Variants in SLC35F3 observed in about 807,000 individuals in gnomAD.
SLC35F3 encodes the protein solute carrier family 35 member F3.
A neutral mutation model predicts 49.9 loss-of-function variants in SLC35F3; 25 were observed. That is an observed-to-expected ratio of 0.50 (90% confidence interval 0.37 to 0.70). The LOEUF (loss-of-function observed/expected upper bound fraction) is 0.70, where lower values mean the gene tolerates loss of function less well. SLC35F3 is among the 30% of genes least tolerant of loss of function. The pLI, the probability that SLC35F3 is intolerant of heterozygous loss-of-function variation, is 0.00. For synonymous variants in SLC35F3, 275 were observed against 265.4 expected (o/e 1.04, Z -0.35); for missense variants, 525 against 639.8 (o/e 0.82, Z 1.94).
At chr1:234,059,508 T>G (rs1015978947) in intron 2 of SLC35F3, among the ~76,000 whole-genome samples, 12 of 152,164 alleles carry the variant, frequency 7.9e-5, no homozygotes, top group Non-Finnish European at 1.6e-4. Context: ...TGTTATTGAT[T>G]CCTAAATTCA....
chr1:233,983,908 T>C (rs374928084), intron 2 of SLC35F3, among the ~76,000 whole-genome samples: 68 of 152,316 alleles, frequency 4.5e-4, no homozygotes, highest in African/African-American at 1.2e-3. Context: ...TAAGACCACA[T>C]GGTATGACAC....
intron 3 of SLC35F3, among the ~76,000 whole-genome samples, chr1:234,304,220 G>A (rs1192842266): frequency 6.6e-6 from 1 of 151,798 alleles, no homozygotes; most frequent in East Asian, 1.9e-4. Context: ...GGAGTGCAGT[G>A]GCATGATCTT....
At chr1:233,941,954 G>GTTTTTTTTTTTT (rs141578626) in intron 2 of SLC35F3, among the ~76,000 whole-genome samples, 3 of 120,184 alleles carry the variant, frequency 2.5e-5, no homozygotes, top group African/African-American at 1.0e-4. Flanking sequence ...GTTGTTTTTT[G>GTTTTTTTTTTTT]TTTTTTTGTT....
At chr1:234,206,025 T>A (rs969370810) in intron 2 of SLC35F3, among the ~76,000 whole-genome samples, 4 of 152,032 alleles carry the variant, frequency 2.6e-5, no homozygotes, top group Admixed American at 2.0e-4. Context: ...GAGGGAGGAC[T>A]TGCTGGTGAG....
At chr1:234,222,596 G>A (rs1667224931) in intron 2 of SLC35F3, among the ~76,000 whole-genome samples, 1 of 152,136 alleles carries the variant, frequency 6.6e-6, no homozygotes, top group East Asian at 1.9e-4. Context: ...CTGGTGGGCT[G>A]GCCACTTCAC....
At chr1:234,287,061 C>A (rs966790328) in intron 3 of SLC35F3, among the ~76,000 whole-genome samples, 1 of 151,982 alleles carries the variant, frequency 6.6e-6, no homozygotes, top group South Asian at 2.1e-4. Flanking sequence ...TAGCTTGGCA[C>A]GGTGGTGTGT....
chr1:234,268,612 C>T (rs61823423), intron 3 of SLC35F3: 1 of 152,316 alleles, frequency 6.6e-6, no homozygotes, highest in African/African-American at 2.4e-5. Flanking sequence ...AATAACAAAA[C>T]ACCCAAAAGC....
chr1:234,034,120 A>G (rs1664105751), intron 2 of SLC35F3, among the ~76,000 whole-genome samples: 1 of 152,148 alleles, frequency 6.6e-6, no homozygotes, highest in Admixed American at 6.5e-5. Flanking sequence ...TGCAGCTGTA[A>G]TAAAAGGGGT....
intron 2 of SLC35F3, among the ~76,000 whole-genome samples, chr1:233,992,931 G>A (rs1663388131): frequency 6.6e-6 from 1 of 152,038 alleles, no homozygotes; most frequent in Non-Finnish European, 1.5e-5. Flanking sequence ...GGCCCCTGTG[G>A]CAGCTCCCAA....
chr1:233,974,963 A>G (rs1200089904), intron 2 of SLC35F3, among the ~76,000 whole-genome samples: 1 of 152,242 alleles, frequency 6.6e-6, no homozygotes, highest in African/African-American at 2.4e-5. Context: ...AAAGGCTTAG[A>G]GAGAAGACAT....
At chr1:234,275,023 T>C (rs1668177385) in intron 3 of SLC35F3, among the ~76,000 whole-genome samples, 3 of 152,206 alleles carry the variant, frequency 2.0e-5, no homozygotes, top group African/African-American at 7.2e-5. Flanking sequence ...CCTTGTGACA[T>C]ATATTGCCAC....
At chr1:234,289,224 C>T (rs139405555) in intron 3 of SLC35F3, among the ~76,000 whole-genome samples, 369 of 152,168 alleles carry the variant, frequency 2.4e-3, no homozygotes, top group Admixed American at 4.0e-3. Context: ...ACTGTGTAGA[C>T]CACATTGGCT....
chr1:234,049,339 GCTCTCTCTCTATCTCCTCTCTCTTCT>G (rs1199066308), intron 2 of SLC35F3, among the ~76,000 whole-genome samples: 1 of 151,838 alleles, frequency 6.6e-6, no homozygotes, highest in Non-Finnish European at 1.5e-5. Flanking sequence ...GCTCACTCTT[GCTCTCTCTCTATCTCCTCTCTCTTCT>G]CTCTCTCTCC....
At chr1:233,997,744 T>C (rs1485460327) in intron 2 of SLC35F3, among the ~76,000 whole-genome samples, 1 of 152,094 alleles carries the variant, frequency 6.6e-6, no homozygotes, top group Non-Finnish European at 1.5e-5. Flanking sequence ...AACATGTTCA[T>C]ATTTTCTTTC....
intron 2 of SLC35F3, among the ~76,000 whole-genome samples, chr1:234,041,325 C>T (rs1032199403): frequency 7.9e-5 from 12 of 152,272 alleles, no homozygotes; most frequent in African/African-American, 2.9e-4. Flanking sequence ...TCTTGTACTA[C>T]GTCCACCTTC....
intron 3 of SLC35F3, among the ~76,000 whole-genome samples, chr1:234,275,968 C>T (rs531659744): frequency 5.9e-4 from 89 of 152,002 alleles, no homozygotes; most frequent in Admixed American, 1.1e-3. Flanking sequence ...TCATCCTTTG[C>T]GCAACACAAC....
At chr1:233,942,057 T>G in intron 2 of SLC35F3, among the ~76,000 whole-genome samples, 1 of 151,448 alleles carries the variant, frequency 6.6e-6, no homozygotes, top group East Asian at 2.0e-4. Flanking sequence ...ACCTCCCAGG[T>G]TGAAGCGATT....
chr1:234,178,028 A>C (rs1666501932), intron 2 of SLC35F3, among the ~76,000 whole-genome samples: 1 of 152,194 alleles, frequency 6.6e-6, no homozygotes, highest in African/African-American at 2.4e-5. Flanking sequence ...CCCTTTCCAG[A>C]AACCAAATTC....
chr1:233,970,555 T>C (rs1395852485), intron 2 of SLC35F3, among the ~76,000 whole-genome samples: 1 of 152,206 alleles, frequency 6.6e-6, no homozygotes, highest in African/African-American at 2.4e-5. Context: ...CCAAATTCAC[T>C]TGCTGAAGTC....
Sources: gnomAD v4.1 joint callset for allele counts (sites outside exome capture counted in the v4.1 genomes callset) on GRCh38, gnomAD v4.1.1 for gene constraint, MANE v1.5 for transcripts, NCBI Gene and HGNC (gene_info 2026-07-23, HGNC 2026-07-21) for gene names.